The following ALKAL1 variants were observed in gnomAD, a reference collection of about 807,000 sequenced individuals.
ALKAL1 encodes the protein ALK and LTK ligand 1.
In ALKAL1, 23 loss-of-function variants were observed where a neutral mutation model predicts 13.5. The ratio of observed to expected loss-of-function variants is 1.70; its 90% CI spans 1.23 to 2.41. The LOEUF is 2.41. Ranked by LOEUF, ALKAL1 falls within the 30% of genes most tolerant of loss-of-function variation. ALKAL1 has a pLI of 0.00. For synonymous variants in ALKAL1, 85 were observed against 77.7 expected, an observed-to-expected ratio of 1.09 and a Z score of -0.49; for missense variants, 181 against 178.4, an observed-to-expected ratio of 1.01 and a Z score of -0.08.
At position 52,548,115 on chromosome 8, in the gene ALKAL1, G is replaced by A. The variant is rs781645700; in HGVS notation, c.191-5670C>T. The stretch of plus-strand genomic sequence containing the variant: ...TGTAATCTCGGCACTTTGGGAGGCC[G>A]AGGCCGGTGGATCGCCTGAGGTCAG... On this transcript the variant is annotated intron_variant, in intron 1 of 4. Transcript: ENST00000358543. Among the ~76,000 whole-genome samples, 15 of 152,298 alleles carry A rather than the reference G, an allele frequency of 9.8e-5. No individual in the cohort carries two copies. The East Asian group carries it at 1.7e-3, about 18-fold the overall frequency.
At chr8:52,543,948 T>C (rs1847340182) in intron 1 of ALKAL1, among the ~76,000 whole-genome samples, 1 of 152,186 alleles carries the variant, frequency 6.6e-6, no homozygotes, top group African/African-American at 2.4e-5. Flanking sequence ...AAATTACATA[T>C]TTTAAGTAAA....
chr8:52,563,045 A>G (rs1275228685), intron 1 of ALKAL1, among the ~76,000 whole-genome samples: 1 of 152,232 alleles, frequency 6.6e-6, no homozygotes, highest in Non-Finnish European at 1.5e-5. Flanking sequence ...CTACAGTCAC[A>G]GAAAGCAATG....
At chr8:52,541,835 A>T (rs1270929791) in intron 2 of ALKAL1, among the ~76,000 whole-genome samples, 1 of 152,166 alleles carries the variant, frequency 6.6e-6, no homozygotes, top group East Asian at 1.9e-4. Context: ...TGTTCAAAAA[A>T]TTTATATTGC....
At chr8:52,543,523 TTG>T (rs1847335275) in intron 1 of ALKAL1, among the ~76,000 whole-genome samples, 2 of 152,206 alleles carry the variant, frequency 1.3e-5, no homozygotes, top group Admixed American at 1.3e-4. Context: ...CAGGGCGTGA[TTG>T]TGTGGGTGCG....
chr8:52,535,837 A>G (rs1315624032), intron 4 of ALKAL1, among the ~76,000 whole-genome samples: 2 of 152,190 alleles, frequency 1.3e-5, no homozygotes, highest in African/African-American at 4.8e-5. Context: ...ACTGTGAGAT[A>G]GTTTAAGTAA....
chr8:52,536,359 AACT>A (rs372788082), intron 4 of ALKAL1, among the ~76,000 whole-genome samples: 121 of 152,358 alleles, frequency 7.9e-4, no homozygotes, highest in African/African-American at 2.7e-3. Context: ...ACTGCAAAAG[AACT>A]ACTGATTAAA....
At chr8:52,535,385 C>CAAAA (rs879837990) in intron 4 of ALKAL1, among the ~76,000 whole-genome samples, 1 of 116,502 alleles carries the variant, frequency 8.6e-6, no homozygotes, top group Non-Finnish European at 1.8e-5. Context: ...CTGTTGCCAC[C>CAAAA]AAAAAAAAAA....
intron 1 of ALKAL1, among the ~76,000 whole-genome samples, chr8:52,552,335 G>GT (rs1264416422): frequency 6.6e-6 from 1 of 152,032 alleles, no homozygotes; most frequent in African/African-American, 2.4e-5. Context: ...ATGTTTGCTG[G>GT]TGTTGACCTT....
chr8:52,541,839 A>C (rs57023951), intron 2 of ALKAL1, among the ~76,000 whole-genome samples: 2 of 152,256 alleles, frequency 1.3e-5, no homozygotes, highest in African/African-American at 4.8e-5. Flanking sequence ...CAAAAAATTT[A>C]TATTGCCCCC....
intron 1 of ALKAL1, among the ~76,000 whole-genome samples, chr8:52,560,787 C>T (rs1485815910): frequency 1.3e-5 from 2 of 152,120 alleles, no homozygotes; most frequent in African/African-American, 4.8e-5. Flanking sequence ...ATTTATGATC[C>T]TGCTAGCTAG....
At chr8:52,537,871 C>T (rs185430862) in intron 4 of ALKAL1, among the ~76,000 whole-genome samples, 1 of 151,762 alleles carries the variant, frequency 6.6e-6, no homozygotes, top group Non-Finnish European at 1.5e-5. Context: ...CTGAGGTGGG[C>T]GGATCACTTG....
chr8:52,541,176 C>T (rs1019987194), intron 2 of ALKAL1, among the ~76,000 whole-genome samples: 1 of 152,142 alleles, frequency 6.6e-6, no homozygotes, highest in Non-Finnish European at 1.5e-5. Context: ...TTTATCTGTG[C>T]TCAAGATGTG....
intron 1 of ALKAL1, among the ~76,000 whole-genome samples, chr8:52,552,971 C>A (rs575234773): frequency 1.7e-4 from 26 of 152,068 alleles, no homozygotes; most frequent in Non-Finnish European, 3.5e-4. Flanking sequence ...GCTGACAGAG[C>A]AAGGAAAAAT....
Position 52,542,440 on chromosome 8 carries a change from A to C in ALKAL1, c.196T>G (p.Phe66Val), listed in dbSNP as rs2150344318. ...TCTTTTAAGTTAGAGTCTCTTGGGAATATTTCTGAAAAGAAAAAAAAAACC... is the reference window on the plus strand; with the variant it reads ...TCTTTTAAGTTAGAGTCTCTTGGGACTATTTCTGAAAAGAAAAAAAAAACC... Reference protein sequence around the residue: ...TPSGSRSAEIFPRDSNLKDKF... With the variant: ...TPSGSRSAEIVPRDSNLKDKF... Residue 66 changes from phenylalanine to valine, a missense_variant, in exon 2 of 5, where the codon TTC (phenylalanine) becomes GTC (valine). Transcript: ENST00000358543. The C allele has an allele frequency of 1.3e-6, 2 of 1,527,494 alleles. No individual in the cohort carries two copies. Among genetic ancestry groups the C allele is most frequent in the East Asian group, 4.5e-5 (2 of 44,420 alleles). 94.6% of individuals were successfully genotyped at this position (1,527,494 alleles called of 1,614,324 possible).
Position 52,542,390 on chromosome 8 carries a change from A to G in ALKAL1, c.244+2T>C, listed in dbSNP as rs773456865. ...GGAATCACTGATACATTTTGTACTT[A>G]CCTGTGAAATGCTTTATGAATTTGT... On this transcript the variant is annotated splice_donor_variant, in intron 2 of 4. Coordinates refer to ENST00000358543, the MANE Select transcript of ALKAL1 (RefSeq NM_207413.4). LOFTEE classifies it high-confidence loss of function. 1.3e-6 allele frequency: 2 copies of G among 1,529,744 alleles called. No individual in the cohort carries two copies. Among genetic ancestry groups the G allele is most frequent in the South Asian group, 1.2e-5 (1 of 86,320 alleles). 94.8% of individuals were successfully genotyped at this position (1,529,744 alleles called of 1,614,324 possible).
intron 2 of ALKAL1, among the ~76,000 whole-genome samples, chr8:52,541,864 C>G (rs574419897): frequency 6.6e-6 from 1 of 152,290 alleles, no homozygotes; most frequent in African/African-American, 2.4e-5. Flanking sequence ...TCCCTACCCC[C>G]ACCTGGTTGG....
Position 52,534,563 on chromosome 8 carries a change from CT to C in ALKAL1, c.*49del. 2 of 596,862 alleles carry C rather than the reference CT, an allele frequency of 3.4e-6. No homozygotes were observed. Among genetic ancestry groups the C allele is most frequent in the South Asian group, 4.3e-5 (2 of 46,672 alleles). The allele number at this position is 596,862 out of a possible 1,614,324, so 37.0% of individuals were successfully genotyped here. On this transcript the variant is annotated 3_prime_UTR_variant, in exon 5 of 5. Coordinates refer to ENST00000358543, the MANE Select transcript of ALKAL1 (RefSeq NM_207413.4). ...TTTACATTTTGCATGATTTGAGGCA[CT>C]TTTTCTTCAAATTAGATGTACATTC...
Position 52,565,355 on chromosome 8 carries a change from C to T in ALKAL1, c.-99G>A. 1.0e-6 allele frequency: 1 copy of T among 992,252 alleles called. No homozygotes were observed. The highest frequency in any genetic ancestry group is 1.3e-6 in the Non-Finnish European group (1 of 756,318). The allele number at this position is 992,252 out of a possible 1,614,324, so 61.5% of individuals were successfully genotyped here. A position where few individuals can be genotyped will look rare whatever the true frequency, so the allele number is the denominator to read the frequency against. Reference sequence around the variant, plus strand: ...AGAGAAGGCCAGCGGGACCACAGCGCGGCTACGCGGCCGGCCGCAGTCTTC... The same window carrying T: ...AGAGAAGGCCAGCGGGACCACAGCGTGGCTACGCGGCCGGCCGCAGTCTTC... On this transcript the variant is annotated 5_prime_UTR_variant, in exon 1 of 5. Coordinates refer to ENST00000358543, the MANE Select transcript of ALKAL1 (RefSeq NM_207413.4).
At chr8:52,535,187 A>G (rs917035602) in intron 4 of ALKAL1, among the ~76,000 whole-genome samples, 5 of 152,198 alleles carry the variant, frequency 3.3e-5, no homozygotes, top group African/African-American at 1.2e-4. Context: ...AGAAAGAGAT[A>G]AACATAACTT....
Sources: allele counts gnomAD v4.1 joint callset (sites outside exome capture counted in the v4.1 genomes callset), GRCh38; gene constraint gnomAD v4.1.1; transcripts MANE v1.5; gene names NCBI Gene and HGNC (gene_info 2026-07-23, HGNC 2026-07-21).